Variants in PLPPR1 observed in about 807,000 individuals in gnomAD.
PLPPR1 encodes phospholipid phosphatase related 1.
PLPPR1 carries 10 observed loss-of-function variants against 33.1 expected under a neutral mutation model. That is an observed-to-expected ratio of 0.30 (90% confidence interval 0.19 to 0.51). The LOEUF (loss-of-function observed/expected upper bound fraction) is 0.51, where lower values mean the gene tolerates loss of function less well. PLPPR1 is among the 20% of genes least tolerant of loss of function. The pLI, the probability that PLPPR1 is intolerant of heterozygous loss-of-function variation, is 0.97. For synonymous variants in PLPPR1, 151 were observed against 151.0 expected, an observed-to-expected ratio of 1.00 and a Z score of 0.00; for missense variants, 304 against 408.1, an observed-to-expected ratio of 0.74 and a Z score of 2.20.
Position 101,307,527 on chromosome 9 carries a change from C to T in PLPPR1, c.386-1684C>T, listed in dbSNP as rs560865865. ...AACTGCCTCGGATGATCAATGAATG[C>T]CTGCTCTCAGAGGTCAGACCCAATG... On this transcript the variant is annotated intron_variant, in intron 4 of 7. Transcript: ENST00000374874. Among the ~76,000 whole-genome samples, 4 of 152,268 alleles carry T rather than the reference C, an allele frequency of 2.6e-5. No individual in the cohort carries two copies. In the South Asian group the frequency reaches 8.3e-4, roughly 32 times the overall value.
chr9:101,310,259 T>C (rs757290846), intron 5 of PLPPR1, among the ~76,000 whole-genome samples: 7 of 152,200 alleles, frequency 4.6e-5, no homozygotes, highest in Non-Finnish European at 8.8e-5. Flanking sequence ...CATGCAGAGA[T>C]CAGCTCAAAG....
chr9:101,063,238 C>T (rs1258839331), intron 1 of PLPPR1, among the ~76,000 whole-genome samples: 1 of 151,986 alleles, frequency 6.6e-6, no homozygotes, highest in Non-Finnish European at 1.5e-5. Flanking sequence ...GAACTTTGTT[C>T]TTCTGGACCA....
chr9:101,196,233 T>C (rs1016871126), intron 2 of PLPPR1, among the ~76,000 whole-genome samples: 3 of 152,192 alleles, frequency 2.0e-5, no homozygotes, highest in African/African-American at 7.2e-5. Flanking sequence ...TTAAGACAAC[T>C]GCCATTCCAA....
chr9:101,141,554 T>C (rs1831450898), intron 1 of PLPPR1, among the ~76,000 whole-genome samples: 1 of 152,196 alleles, frequency 6.6e-6, no homozygotes, highest in South Asian at 2.1e-4. Context: ...TGGTGAATTT[T>C]TCCTAACATA....
chr9:101,178,829 A>C (rs1486003701), intron 1 of PLPPR1, among the ~76,000 whole-genome samples: 1 of 152,152 alleles, frequency 6.6e-6, no homozygotes, highest in Non-Finnish European at 1.5e-5. Context: ...CAAGGAATGG[A>C]AGTGGAAGTG....
chr9:101,066,413 G>A (rs1218323024), intron 1 of PLPPR1, among the ~76,000 whole-genome samples: 1 of 151,760 alleles, frequency 6.6e-6, no homozygotes, highest in African/African-American at 2.4e-5. Flanking sequence ...AATTCACCAT[G>A]CACATCCCCC....
chr9:101,210,298 G>A (rs1826667092), intron 2 of PLPPR1, among the ~76,000 whole-genome samples: 1 of 152,186 alleles, frequency 6.6e-6, no homozygotes, highest in Non-Finnish European at 1.5e-5. Context: ...GTATAAGACA[G>A]GAGTATGAGA....
intron 1 of PLPPR1, among the ~76,000 whole-genome samples, chr9:101,133,468 T>C (rs1831340365): frequency 6.6e-6 from 1 of 152,210 alleles, no homozygotes; most frequent in Non-Finnish European, 1.5e-5. Context: ...CTGAAACCTT[T>C]TGTCATTTGA....
At chr9:101,137,668 A>G (rs1243331888) in intron 1 of PLPPR1, among the ~76,000 whole-genome samples, 2 of 152,200 alleles carry the variant, frequency 1.3e-5, no homozygotes, top group African/African-American at 4.8e-5. Flanking sequence ...GCTCAAGAAT[A>G]TCCTCTAAAG....
chr9:101,076,110 T>C (rs1189597246), intron 1 of PLPPR1, among the ~76,000 whole-genome samples: 2 of 152,074 alleles, frequency 1.3e-5, no homozygotes, highest in African/African-American at 4.8e-5. Context: ...CAATATCATC[T>C]GGGAATTCGT....
At chr9:101,230,956 A>C (rs1389777490) in intron 2 of PLPPR1, among the ~76,000 whole-genome samples, 1 of 151,876 alleles carries the variant, frequency 6.6e-6, no homozygotes, top group East Asian at 1.9e-4. Flanking sequence ...TCTATTGAAT[A>C]AAAAGGAAGG....
At chr9:101,033,759 C>T in intron 1 of PLPPR1, among the ~76,000 whole-genome samples, 1 of 152,182 alleles carries the variant, frequency 6.6e-6, no homozygotes, top group Non-Finnish European at 1.5e-5. Context: ...TCCCACTTTA[C>T]AGCTGAAGCA....
At chr9:101,118,735 A>T (rs901527842) in intron 1 of PLPPR1, among the ~76,000 whole-genome samples, 8 of 152,232 alleles carry the variant, frequency 5.3e-5, no homozygotes, top group Non-Finnish European at 1.2e-4. Context: ...TTATCCCCAC[A>T]GTCCTAATTA....
chr9:101,145,134 G>A (rs954786522), intron 1 of PLPPR1, among the ~76,000 whole-genome samples: 2 of 152,168 alleles, frequency 1.3e-5, no homozygotes, highest in African/African-American at 4.8e-5. Flanking sequence ...TGAGGGGACT[G>A]AGGAGATGTT....
chr9:101,245,496 T>G (rs1827573049), intron 2 of PLPPR1, among the ~76,000 whole-genome samples: 1 of 152,036 alleles, frequency 6.6e-6, no homozygotes, highest in African/African-American at 2.4e-5. Context: ...AGATTAGAGC[T>G]GTATATATGA....
At chr9:101,220,665 T>C (rs1055704910) in intron 2 of PLPPR1, among the ~76,000 whole-genome samples, 8 of 152,324 alleles carry the variant, frequency 5.3e-5, no homozygotes, top group Admixed American at 4.6e-4. Context: ...TACAGCTTCA[T>C]ATTACCCCAT....
At chr9:101,114,652 T>C (rs1831097925) in intron 1 of PLPPR1, among the ~76,000 whole-genome samples, 1 of 152,198 alleles carries the variant, frequency 6.6e-6, no homozygotes, top group Non-Finnish European at 1.5e-5. Context: ...CACAGTGTAA[T>C]TAAGGTAGAT....
chr9:101,056,260 G>A (rs1447228552), intron 1 of PLPPR1, among the ~76,000 whole-genome samples: 1 of 152,176 alleles, frequency 6.6e-6, no homozygotes, highest in Non-Finnish European at 1.5e-5. Flanking sequence ...AGATGTTATT[G>A]ACTCTAGTCT....
chr9:101,182,421 A>G (rs991906248), intron 1 of PLPPR1, among the ~76,000 whole-genome samples: 1 of 151,860 alleles, frequency 6.6e-6, no homozygotes, highest in Non-Finnish European at 1.5e-5. Context: ...CTGAGGTGAT[A>G]CATTTGTTAA....
Sources: gnomAD v4.1 joint callset for allele counts (sites outside exome capture counted in the v4.1 genomes callset) on GRCh38, gnomAD v4.1.1 for gene constraint, MANE v1.5 for transcripts, NCBI Gene and HGNC (gene_info 2026-07-23, HGNC 2026-07-21) for gene names.